Variants in ADK observed in about 807,000 individuals in gnomAD.
ADK encodes the protein N6,N6-dimethyladenosine kinase.
A neutral mutation model predicts 44.7 loss-of-function variants in ADK; 24 were observed. That is an observed-to-expected ratio of 0.54 (90% CI 0.39 to 0.76). ADK has a LOEUF of 0.76. Ranked by LOEUF, ADK falls within the 30% of genes least tolerant of loss-of-function variation. ADK has a pLI of 0.00. For missense variants in ADK, 321 were observed against 425.1 expected (o/e 0.76, Z 2.15); for synonymous variants, 128 against 142.6 (o/e 0.90, Z 0.73).
At position 74,581,679 on chromosome 10, in the gene ADK, AAAC is replaced by A. The variant is rs202207159; in HGVS notation, c.727-7585_727-7583del. On this transcript the variant is annotated intron_variant, in intron 7 of 10. Coordinates refer to ENST00000539909, the MANE Select transcript of ADK (RefSeq NM_006721.4). ...AAACTTAAAGTAGCTAGGTTTCTAA[AAAC>A]AACAACAACAACAACAAAAATGCAT... 5.3e-3 allele frequency among the ~76,000 whole-genome samples: 807 copies of A among 152,236 alleles called. 6 individuals are homozygous for A. The highest frequency in any genetic ancestry group is 0.018 in the African/African-American group (756 of 41,536).
chr10:74,554,897 A>T (rs1261079953), intron 7 of ADK, among the ~76,000 whole-genome samples: 1 of 152,210 alleles, frequency 6.6e-6, no homozygotes, highest in African/African-American at 2.4e-5. Context: ...AGCTTATTTT[A>T]TATATAACCA....
At chr10:74,213,408 T>C (rs774698021) in intron 2 of ADK, among the ~76,000 whole-genome samples, 6 of 152,192 alleles carry the variant, frequency 3.9e-5, no homozygotes, top group Non-Finnish European at 8.8e-5. Flanking sequence ...GACTCTTTAA[T>C]TGTATTTAAT....
chr10:74,298,057 T>G (rs1032400148), intron 3 of ADK, among the ~76,000 whole-genome samples: 1 of 152,162 alleles, frequency 6.6e-6, no homozygotes, highest in African/African-American at 2.4e-5. Context: ...TAAAGCACAG[T>G]GGACTGGGGA....
At chr10:74,229,758 T>C (rs12243409) in intron 3 of ADK, among the ~76,000 whole-genome samples, 7,533 of 152,154 alleles carry the variant, frequency 0.05, 652 homozygotes, top group African/African-American at 0.17. Flanking sequence ...ATCATCAAGA[T>C]CATAGACTGG....
chr10:74,458,324 G>T (rs1266505442), intron 6 of ADK, among the ~76,000 whole-genome samples: 6 of 134,588 alleles, frequency 4.5e-5, no homozygotes, highest in African/African-American at 1.4e-4. Context: ...TTTTTGCAGA[G>T]ACAGGGGGTT....
chr10:74,313,385 A>T (rs1050369336), intron 3 of ADK, among the ~76,000 whole-genome samples: 2 of 151,942 alleles, frequency 1.3e-5, no homozygotes, highest in Non-Finnish European at 2.9e-5. Context: ...AGGAAAAAGG[A>T]TTATTAAATA....
At chr10:74,572,071 G>A (rs1389740875) in intron 7 of ADK, among the ~76,000 whole-genome samples, 1 of 152,052 alleles carries the variant, frequency 6.6e-6, no homozygotes, top group African/African-American at 2.4e-5. Flanking sequence ...TATTTTGCTC[G>A]TTAGTTGATG....
intron 7 of ADK, among the ~76,000 whole-genome samples, chr10:74,547,909 C>T (rs1849896429): frequency 1.3e-5 from 2 of 152,182 alleles, no homozygotes; most frequent in African/African-American, 4.8e-5. Flanking sequence ...CTCCCTGCCT[C>T]AGCCTCCCAA....
intron 9 of ADK, chr10:74,656,108 A>T: frequency 2.6e-6 from 1 of 386,814 alleles, no homozygotes; most frequent in South Asian, 3.3e-5. Flanking sequence ...CCGATTTTGA[A>T]TCCCTCTTGG....
chr10:74,301,306 A>C (rs2132518314), intron 3 of ADK, among the ~76,000 whole-genome samples: 1 of 152,246 alleles, frequency 6.6e-6, no homozygotes, highest in African/African-American at 2.4e-5. Context: ...TGAGGTCAGG[A>C]GTTCAAGACC....
At chr10:74,511,660 A>ATATCATTTATATCCATAAATG (rs1300860308) in intron 6 of ADK, among the ~76,000 whole-genome samples, 48 of 152,318 alleles carry the variant, frequency 3.2e-4, no homozygotes, top group African/African-American at 9.9e-4. Context: ...TATATCCTGC[A>ATATCATTTATATCCATAAATG]ACTTTATGGA....
intron 1 of ADK, among the ~76,000 whole-genome samples, chr10:74,185,887 G>T (rs1465187082): frequency 6.9e-6 from 1 of 145,642 alleles, no homozygotes; most frequent in Non-Finnish European, 1.5e-5. Flanking sequence ...TCCCTCTGTT[G>T]CCCAGGCTGG....
chr10:74,194,893 C>T (rs990514948), intron 1 of ADK, among the ~76,000 whole-genome samples: 3 of 152,160 alleles, frequency 2.0e-5, no homozygotes, highest in African/African-American at 7.2e-5. Context: ...GTTTCTATTA[C>T]TGAGAGGGCT....
intron 2 of ADK, among the ~76,000 whole-genome samples, chr10:74,215,483 G>A (rs936699869): frequency 2.6e-5 from 4 of 151,596 alleles, no homozygotes; most frequent in African/African-American, 9.7e-5. Flanking sequence ...GCTAATTTTT[G>A]TATTTTTAGT....
At chr10:74,511,585 G>T (rs1359538732) in intron 6 of ADK, among the ~76,000 whole-genome samples, 1 of 151,980 alleles carries the variant, frequency 6.6e-6, no homozygotes, top group African/African-American at 2.4e-5. Flanking sequence ...TTGCCTTTTT[G>T]AATTCTTGTT....
intron 3 of ADK, among the ~76,000 whole-genome samples, chr10:74,255,869 T>C (rs1845806039): frequency 6.6e-6 from 1 of 152,198 alleles, no homozygotes; most frequent in Non-Finnish European, 1.5e-5. Flanking sequence ...CTTTAGTCAT[T>C]TTCTAGACAT....
chr10:74,564,626 CAGTT>C (rs1166680783), intron 7 of ADK, among the ~76,000 whole-genome samples: 6 of 135,226 alleles, frequency 4.4e-5, no homozygotes, highest in Non-Finnish European at 7.0e-5. Context: ...ATAATACAGT[CAGTT>C]ATTTATAACT....
chr10:74,632,051 C>T (rs1004391132), intron 9 of ADK, among the ~76,000 whole-genome samples: 1 of 151,970 alleles, frequency 6.6e-6, no homozygotes, highest in African/African-American at 2.4e-5. Context: ...GTTGTGCAAC[C>T]GTGACCACGA....
At chr10:74,644,999 A>G (rs1854005407) in intron 9 of ADK, among the ~76,000 whole-genome samples, 1 of 152,206 alleles carries the variant, frequency 6.6e-6, no homozygotes, top group African/African-American at 2.4e-5. Flanking sequence ...ATTAACTTCT[A>G]GGTAGTACAG....
Sources: gnomAD v4.1 joint callset for allele counts (sites outside exome capture counted in the v4.1 genomes callset) on GRCh38, gnomAD v4.1.1 for gene constraint, MANE v1.5 for transcripts, NCBI Gene and HGNC (gene_info 2026-07-23, HGNC 2026-07-21) for gene names.